PTPRD: variants seen among roughly 807,000 people sequenced by gnomAD.
The protein encoded by PTPRD is protein tyrosine phosphatase receptor type D, also known as receptor-type tyrosine-protein phosphatase delta.
PTPRD carries 34 observed loss-of-function variants against 214.5 expected under a neutral mutation model. That is an observed-to-expected ratio of 0.16 (90% CI 0.12 to 0.21). The LOEUF is 0.21. PTPRD is among the 10% of genes least tolerant of loss of function. The pLI is 1.00. For synonymous variants in PTPRD, 1,128 were observed against 845.7 expected, an observed-to-expected ratio of 1.33 and a Z score of -5.79; for missense variants, 2,545 against 2,398.7, an observed-to-expected ratio of 1.06 and a Z score of -1.27.
At chr9:8,936,475 AT>A (rs1384670687) in intron 11 of PTPRD, among the ~76,000 whole-genome samples, 3 of 143,758 alleles carry the variant, frequency 2.1e-5, no homozygotes, top group Non-Finnish European at 4.6e-5. Context: ...ACTTCATCTA[AT>A]TTTTGAGCTA....
chr9:9,651,678 A>C lies in PTPRD; in HGVS notation c.-286-76897T>G, dbSNP rs555322716. Among the ~76,000 whole-genome samples, 4 of 152,110 alleles carry C rather than the reference A, an allele frequency of 2.6e-5. No homozygotes were observed. The South Asian group carries it at 6.2e-4, about 24-fold the overall frequency. Reference sequence around the variant, plus strand: ...TTTAGCTTGATTCCATGTCTTTGCTATTGTGAATGGTGCTGCAATGAACAT... The same window carrying C: ...TTTAGCTTGATTCCATGTCTTTGCTCTTGTGAATGGTGCTGCAATGAACAT... On this transcript the variant is annotated intron_variant, in intron 7 of 45. Transcript: ENST00000381196.
rs551442685 is a variant in PTPRD, at chr9:8,453,169, T to C, written c.3876-3332A>G. 3.3e-5 allele frequency among the ~76,000 whole-genome samples: 5 copies of C among 152,244 alleles called. No individual in the cohort carries two copies. In the East Asian group the frequency reaches 9.7e-4, roughly 29 times the overall value. On this transcript the variant is annotated intron_variant, in intron 33 of 45. Transcript: ENST00000381196. The stretch of plus-strand genomic sequence containing the variant: ...GCATTAAGTTGTAAAATATGAAAAG[T>C]GTTATGATGAAAGGTACGGAGTCCC...
At chr9:9,991,440 C>T (rs1275709654) in intron 4 of PTPRD, among the ~76,000 whole-genome samples, 1 of 151,742 alleles carries the variant, frequency 6.6e-6, no homozygotes, top group Non-Finnish European at 1.5e-5. Context: ...CAGCTCACTG[C>T]AACCACCGCC....
chr9:9,332,332 T>G (rs1211197597), intron 9 of PTPRD, among the ~76,000 whole-genome samples: 1 of 151,926 alleles, frequency 6.6e-6, no homozygotes, highest in Non-Finnish European at 1.5e-5. Context: ...ACAATGCAGA[T>G]AGCTTGAAAA....
chr9:10,496,044 TTAATC>T (rs2041941017), intron 2 of PTPRD, among the ~76,000 whole-genome samples: 1 of 151,846 alleles, frequency 6.6e-6, no homozygotes, highest in Non-Finnish European at 1.5e-5. Flanking sequence ...TATTGTATTA[TTAATC>T]TAGAGTAACT....
chr9:8,823,754 CAGACCCTA>C (rs1198840311), intron 11 of PTPRD, among the ~76,000 whole-genome samples: 1 of 152,102 alleles, frequency 6.6e-6, no homozygotes, highest in African/African-American at 2.4e-5. Flanking sequence ...AGTCTTGATC[CAGACCCTA>C]AGGGAGGGTT....
At chr9:9,926,614 G>C (rs1045458576) in intron 5 of PTPRD, among the ~76,000 whole-genome samples, 1 of 151,776 alleles carries the variant, frequency 6.6e-6, no homozygotes, top group Admixed American at 6.6e-5. Context: ...ACTGAGAAAG[G>C]GTAGAAATAA....
chr9:8,534,428 T>C (rs1404577555), intron 14 of PTPRD, among the ~76,000 whole-genome samples: 3 of 151,950 alleles, frequency 2.0e-5, no homozygotes. Context: ...TGGGTCTTCC[T>C]TCACTGACAG....
intron 11 of PTPRD, among the ~76,000 whole-genome samples, chr9:8,776,226 A>G (rs1186292222): frequency 3.3e-5 from 5 of 152,200 alleles, no homozygotes; most frequent in African/African-American, 1.2e-4. Flanking sequence ...CAAGGCATAC[A>G]ACTATACTAA....
At chr9:9,711,504 T>G (rs1454872777) in intron 7 of PTPRD, among the ~76,000 whole-genome samples, 1 of 152,178 alleles carries the variant, frequency 6.6e-6, no homozygotes, top group Non-Finnish European at 1.5e-5. Flanking sequence ...TAATAATAAT[T>G]ATAATTAGAC....
intron 3 of PTPRD, among the ~76,000 whole-genome samples, chr9:10,303,509 C>T (rs1406686264): frequency 6.6e-6 from 1 of 151,600 alleles, no homozygotes; most frequent in Non-Finnish European, 1.5e-5. Context: ...AATAGATAGA[C>T]CACTAGACAG....
intron 7 of PTPRD, among the ~76,000 whole-genome samples, chr9:9,628,748 T>C (rs907507796): frequency 6.6e-6 from 1 of 152,146 alleles, no homozygotes; most frequent in Non-Finnish European, 1.5e-5. Context: ...GGTTTTTCCA[T>C]GATTATGTAA....
At chr9:10,472,586 G>C (rs1301732366) in intron 2 of PTPRD, among the ~76,000 whole-genome samples, 2 of 152,074 alleles carry the variant, frequency 1.3e-5, no homozygotes, top group Non-Finnish European at 2.9e-5. Context: ...AGGAGCTCTT[G>C]AGCATCTTCA....
intron 4 of PTPRD, among the ~76,000 whole-genome samples, chr9:10,006,790 A>G (rs866888599): frequency 2.6e-5 from 4 of 151,898 alleles, no homozygotes; most frequent in Non-Finnish European, 5.9e-5. Flanking sequence ...GACTTACTAC[A>G]ATCTAGATAT....
At chr9:9,175,558 G>C (rs1339478303) in intron 10 of PTPRD, among the ~76,000 whole-genome samples, 1 of 147,162 alleles carries the variant, frequency 6.8e-6, no homozygotes, top group Admixed American at 6.9e-5. Context: ...GGGAGATGGA[G>C]GTTACAGTGA....
intron 2 of PTPRD, among the ~76,000 whole-genome samples, chr9:10,402,618 C>T (rs2098288206): frequency 6.6e-6 from 1 of 151,618 alleles, no homozygotes. Flanking sequence ...ACAAGAATAT[C>T]ATTATCCCCT....
chr9:9,399,414 C>G (rs1260719889), intron 8 of PTPRD, among the ~76,000 whole-genome samples: 4 of 151,982 alleles, frequency 2.6e-5, no homozygotes, highest in Admixed American at 1.3e-4. Context: ...CAATTTTTCT[C>G]TAAAGTATTT....
chr9:9,551,321 T>C (rs1029333672), intron 8 of PTPRD, among the ~76,000 whole-genome samples: 2 of 151,952 alleles, frequency 1.3e-5, no homozygotes, highest in African/African-American at 4.8e-5. Context: ...AGAAATTCAG[T>C]ATTTAAATTA....
At chr9:10,443,339 A>C (rs1275861674) in intron 2 of PTPRD, among the ~76,000 whole-genome samples, 2 of 151,698 alleles carry the variant, frequency 1.3e-5, no homozygotes, top group East Asian at 3.9e-4. Context: ...CGCTACATTC[A>C]ATCTATGGTA....
Sources: gnomAD v4.1 joint callset for allele counts (sites outside exome capture counted in the v4.1 genomes callset) on GRCh38, gnomAD v4.1.1 for gene constraint, MANE v1.5 for transcripts, NCBI Gene and HGNC (gene_info 2026-07-23, HGNC 2026-07-21) for gene names.